KCNQ1OT1: variants seen among roughly 807,000 people sequenced by gnomAD.
KCNQ1OT1 encodes KCNQ1 antisense RNA 2 (non-protein coding).
At chr11:2,665,916 AC>A in exon 1 of KCNQ1OT1, 1 of 398,584 alleles carries the variant, frequency 2.5e-6, no homozygotes, top group Non-Finnish European at 4.4e-6. Context: ...TCTCCAAGCA[AC>A]CCTGGGAGGC....
chr11:2,658,513 C>A lies in KCNQ1OT1; in HGVS notation n.41482G>T, dbSNP rs1427552434. The stretch of plus-strand genomic sequence containing the variant: ...TAAGCATTTCTTTTCTAGCACTTGA[C>A]AATACTTCAGGCTCATCTTTTATTT... On this transcript the variant is annotated non_coding_transcript_exon_variant, in exon 1 of 1. Transcript: ENST00000597346. This position sits in a 1 kb window ranked among gnomAD's most constrained non-coding sequence, Gnocchi z 4.9. The A allele has an allele frequency of 2.5e-6, 1 of 398,374 alleles. No individual in the cohort carries two copies. The highest frequency in any genetic ancestry group is 4.4e-6 in the Non-Finnish European group (1 of 226,038). The allele number at this position is 398,374 out of a possible 1,614,324, so 24.7% of individuals were successfully genotyped here. A position where few individuals can be genotyped will look rare whatever the true frequency, so the allele number is the denominator to read the frequency against.
rs889929528 is a variant in KCNQ1OT1 at position 2,687,418 on chromosome 11, G to T, written n.12577C>A. 3 of 398,526 alleles carry T rather than the reference G, an allele frequency of 7.5e-6. No homozygotes were observed. The highest frequency in any genetic ancestry group is 6.2e-5 in the African/African-American group (3 of 48,614). The allele number at this position is 398,526 out of a possible 1,614,324, so 24.7% of individuals were successfully genotyped here. ...GGATCTGGGAGGTCAGTAGGCACCTGTGTCCACCCAGCTGTCCATACAGAT... is the reference window on the plus strand; with the variant it reads ...GGATCTGGGAGGTCAGTAGGCACCTTTGTCCACCCAGCTGTCCATACAGAT... On this transcript the variant is annotated non_coding_transcript_exon_variant, in exon 1 of 1. Transcript: ENST00000597346. This position sits in a 1 kb window ranked among gnomAD's most constrained non-coding sequence, Gnocchi z 5.0.
chr11:2,636,987 T>C (rs1341722338), exon 1 of KCNQ1OT1: 2 of 152,250 alleles, frequency 1.3e-5, no homozygotes, highest in South Asian at 2.1e-4. Context: ...GTGTTTATAG[T>C]ATTCTCTGAT....
chr11:2,648,047 C>T (rs988857482), exon 1 of KCNQ1OT1: 1 of 385,172 alleles, frequency 2.6e-6, no homozygotes, highest in African/African-American at 2.3e-5. Context: ...ACCCCCATCT[C>T]TACCAAAAAA....
At position 2,676,988 on chromosome 11, in the gene KCNQ1OT1, CAG is replaced by C. The variant is rs1850305193; in HGVS notation, n.23005_23006del. 2.5e-6 allele frequency: 1 copy of C among 398,508 alleles called. No individual in the cohort carries two copies. The highest frequency in any genetic ancestry group is 2.1e-5 in the African/African-American group (1 of 48,630). 24.7% of individuals were successfully genotyped at this position (398,508 alleles called of 1,614,324 possible). On this transcript the variant is annotated non_coding_transcript_exon_variant, in exon 1 of 1. Transcript: ENST00000597346. The surrounding 1 kb of genome is among the most constrained non-coding windows in gnomAD (Gnocchi z 4.2). The stretch of plus-strand genomic sequence containing the variant: ...CAAATCTCCTTTTCATTAACAGCTG[CAG>C]AGTTTCATTGTGCCATGATTTATGG...
chr11:2,625,957 T>C (rs997911327), exon 1 of KCNQ1OT1: 2 of 398,514 alleles, frequency 5.0e-6, no homozygotes, highest in Non-Finnish European at 8.8e-6. Context: ...TTATCAGGTA[T>C]GTGATTTGCA....
At position 2,674,025 on chromosome 11, in the gene KCNQ1OT1, G is replaced by A. The variant is rs1006820422; in HGVS notation, n.25970C>T. On this transcript the variant is annotated non_coding_transcript_exon_variant, in exon 1 of 1. Transcript: ENST00000597346. The surrounding 1 kb of genome is among the most constrained non-coding windows in gnomAD (Gnocchi z 5.9). ...CCCTCCGTGCTTTCTGGCTCTTTGG[G>A]CCTGGGGTGCAGCCCCTCATTTGTA... 3.0e-5 allele frequency: 12 copies of A among 398,532 alleles called. No individual in the cohort carries two copies. Among genetic ancestry groups the A allele is most frequent in the African/African-American group, 2.3e-4 (11 of 48,734 alleles). The allele number at this position is 398,532 out of a possible 1,614,324, so 24.7% of individuals were successfully genotyped here. A position where few individuals can be genotyped will look rare whatever the true frequency, so the allele number is the denominator to read the frequency against.
chr11:2,657,287 G>T lies in KCNQ1OT1; in HGVS notation n.42708C>A, dbSNP rs894013057. The T allele has an allele frequency of 2.5e-6, 1 of 398,464 alleles. No individual in the cohort carries two copies. Among genetic ancestry groups the T allele is most frequent in the Non-Finnish European group, 4.4e-6 (1 of 226,054 alleles). 24.7% of individuals were successfully genotyped at this position (398,464 alleles called of 1,614,324 possible). A position where few individuals can be genotyped will look rare whatever the true frequency, so the allele number is the denominator to read the frequency against. On this transcript the variant is annotated non_coding_transcript_exon_variant, in exon 1 of 1. Coordinates refer to ENST00000597346, the Ensembl canonical transcript of KCNQ1OT1. The surrounding 1 kb of genome is among the most constrained non-coding windows in gnomAD (Gnocchi z 4.8). Reference sequence around the variant, plus strand: ...TGAGATTTTTATTAAGATTTGGAGAGATTTATTCAGATTTTGAGATAATCT... The same window carrying T: ...TGAGATTTTTATTAAGATTTGGAGATATTTATTCAGATTTTGAGATAATCT...
exon 1 of KCNQ1OT1, chr11:2,609,496 G>A (rs1403293551): frequency 2.5e-6 from 1 of 398,262 alleles, no homozygotes; most frequent in Non-Finnish European, 4.4e-6. Flanking sequence ...TATATTCAAT[G>A]TTGGTTGTTG....
exon 1 of KCNQ1OT1, chr11:2,655,670 A>C (rs1256988556): frequency 5.1e-6 from 2 of 395,162 alleles, no homozygotes; most frequent in Non-Finnish European, 8.9e-6. Context: ...GAAAGAGCTG[A>C]ATCCCCACCC....
exon 1 of KCNQ1OT1, chr11:2,610,126 C>T (rs1456355984): frequency 2.5e-6 from 1 of 397,708 alleles, no homozygotes; most frequent in Non-Finnish European, 4.4e-6. Flanking sequence ...CTAGTGACTA[C>T]TTTCTAATAT....
chr11:2,698,650 A>G lies in KCNQ1OT1; in HGVS notation n.1345T>C, dbSNP rs1003435638. On this transcript the variant is annotated non_coding_transcript_exon_variant, in exon 1 of 1. Transcript: ENST00000597346. The surrounding 1 kb of genome is among the most constrained non-coding windows in gnomAD (Gnocchi z 5.1). Reference sequence around the variant, plus strand: ...ACTGAGACCTCTAACCCCAATCCCAATCTCTTAACTCAGAGCCCCCCATTC... The same window carrying G: ...ACTGAGACCTCTAACCCCAATCCCAGTCTCTTAACTCAGAGCCCCCCATTC... 1.8e-5 allele frequency: 7 copies of G among 397,876 alleles called. No individual in the cohort carries two copies. The highest frequency in any genetic ancestry group is 4.4e-5 in the Admixed American group (1 of 22,634). The allele number at this position is 397,876 out of a possible 1,614,324, so 24.6% of individuals were successfully genotyped here.
exon 1 of KCNQ1OT1, chr11:2,630,396 G>A (rs529042173): frequency 2.3e-5 from 9 of 397,830 alleles, no homozygotes; most frequent in Non-Finnish European, 4.0e-5. Context: ...TCCTTGTCTG[G>A]CCTTAGTATG....
chr11:2,658,461 C>T lies in KCNQ1OT1; in HGVS notation n.41534G>A, dbSNP rs993217951. ...TGGGTTCATGTGTCCTTTTGATGTGCCCCCCGCCATCCTTTTCATTTATTT... is the reference window on the plus strand; with the variant it reads ...TGGGTTCATGTGTCCTTTTGATGTGTCCCCCGCCATCCTTTTCATTTATTT... On this transcript the variant is annotated non_coding_transcript_exon_variant, in exon 1 of 1. Transcript: ENST00000597346. This position sits in a 1 kb window ranked among gnomAD's most constrained non-coding sequence, Gnocchi z 4.9. The T allele has an allele frequency of 2.5e-6, 1 of 398,282 alleles. No homozygotes were observed. The highest frequency in any genetic ancestry group is 4.4e-6 in the Non-Finnish European group (1 of 226,032). The allele number at this position is 398,282 out of a possible 1,614,324, so 24.7% of individuals were successfully genotyped here.
At chr11:2,696,718 C>A in exon 1 of KCNQ1OT1, 4 of 398,600 alleles carry the variant, frequency 1.0e-5, no homozygotes, top group Middle Eastern at 6.3e-4. Context: ...ATGGAAAGAT[C>A]TCCCTCTATA....
rs1329290707 is a variant in KCNQ1OT1, at chr11:2,677,431, A to G, written n.22564T>C. 1 of 398,454 alleles carries G rather than the reference A, an allele frequency of 2.5e-6. No homozygotes were observed. The highest frequency in any genetic ancestry group is 4.4e-6 in the Non-Finnish European group (1 of 226,064). The allele number at this position is 398,454 out of a possible 1,614,324, so 24.7% of individuals were successfully genotyped here. ...AGCATTTCAGAGGACAGCAGGGGAG[A>G]TGATAATTGATGCAGGTGGCCTCTT... On this transcript the variant is annotated non_coding_transcript_exon_variant, in exon 1 of 1. Transcript: ENST00000597346. This position sits in a 1 kb window ranked among gnomAD's most constrained non-coding sequence, Gnocchi z 4.5.
exon 1 of KCNQ1OT1, chr11:2,625,578 CTTTTT>C (rs35148119): frequency 1.2e-5 from 4 of 347,364 alleles, no homozygotes; most frequent in Admixed American, 5.5e-5. Context: ...GTCCTTTGCC[CTTTTT>C]TTTTTTTTTT....
At chr11:2,699,221 C>T (rs1179459614) in exon 1 of KCNQ1OT1, 9 of 398,672 alleles carry the variant, frequency 2.3e-5, no homozygotes, top group Non-Finnish European at 3.1e-5. Flanking sequence ...ACTCGGACCT[C>T]GACCCTGGCC....
In KCNQ1OT1 at chr11:2,645,845, G is replaced by A; in HGVS notation, n.54150C>T. 2.5e-6 allele frequency: 1 copy of A among 398,638 alleles called. No individual in the cohort carries two copies. Among genetic ancestry groups the A allele is most frequent in the Non-Finnish European group, 4.4e-6 (1 of 226,122 alleles). The allele number at this position is 398,638 out of a possible 1,614,324, so 24.7% of individuals were successfully genotyped here. A position where few individuals can be genotyped will look rare whatever the true frequency, so the allele number is the denominator to read the frequency against. On this transcript the variant is annotated non_coding_transcript_exon_variant, in exon 1 of 1. Transcript: ENST00000597346. This position sits in a 1 kb window ranked among gnomAD's most constrained non-coding sequence, Gnocchi z 5.8. Reference sequence around the variant, plus strand: ...TTCCTGAAGTTGCCTGAGGATTCAGGGGATGTGTGAATTGCCTGAGGATTC... The same window carrying A: ...TTCCTGAAGTTGCCTGAGGATTCAGAGGATGTGTGAATTGCCTGAGGATTC...
Sources: gnomAD v4.1 joint callset for allele counts on GRCh38, gnomAD v4.1.1 for gene constraint, Gnocchi (gnomAD v3.1) non-coding constraint, MANE v1.5 for transcripts, NCBI Gene and HGNC (gene_info 2026-07-23, HGNC 2026-07-21) for gene names.